GSN: variants seen among roughly 807,000 people sequenced by gnomAD.
The protein encoded by GSN is actin-depolymerizing factor.
In GSN, 56 loss-of-function variants were observed where a neutral mutation model predicts 85.7. That is an observed-to-expected ratio of 0.65 (90% CI 0.53 to 0.82). GSN has a LOEUF of 0.82. GSN is among the 40% of genes least tolerant of loss of function. GSN has a pLI of 0.00. For missense variants in GSN, 857 were observed against 979.8 expected, an observed-to-expected ratio of 0.87 and a Z score of 1.67; for synonymous variants, 373 against 399.1, an observed-to-expected ratio of 0.93 and a Z score of 0.78.
rs145958134 is a variant in GSN at position 121,259,364 on chromosome 9, G to C, written c.-340-5790G>C. Among the ~76,000 whole-genome samples the C allele has an allele frequency of 4.0e-3, 607 of 152,322 alleles. 2 individuals are homozygous for C. The highest frequency in any genetic ancestry group is 0.014 in the African/African-American group (578 of 41,568). On this transcript the variant is annotated intron_variant, in intron 6 of 24. Transcript: ENST00000373823. ...CATGTGCAAGGAACTGTGAAACCACGGAGGGGCTGCTAATGTAATACACCC... is the reference window on the plus strand; with the variant it reads ...CATGTGCAAGGAACTGTGAAACCACCGAGGGGCTGCTAATGTAATACACCC...
chr9:121,279,174 A>G (rs1282490939), intron 1 of GSN, among the ~76,000 whole-genome samples: 4 of 152,176 alleles, frequency 2.6e-5, no homozygotes, highest in Non-Finnish European at 5.9e-5. Flanking sequence ...ACAGAGTGCC[A>G]TTGCATCTGG....
intron 7 of GSN, among the ~76,000 whole-genome samples, chr9:121,316,817 CTA>C (rs1265171416): frequency 1.5e-4 from 23 of 152,328 alleles, no homozygotes; most frequent in African/African-American, 5.5e-4. Context: ...TTTCAGCAAA[CTA>C]TGCAGTTCCC....
intron 1 of GSN, among the ~76,000 whole-genome samples, chr9:121,278,520 C>T (rs1266739607): frequency 6.6e-6 from 1 of 152,182 alleles, no homozygotes; most frequent in Non-Finnish European, 1.5e-5. Context: ...TCCATGGTGG[C>T]TTGCAGACTT....
In GSN at chr9:121,327,489, G is replaced by C; in HGVS notation, c.1762+7G>C. 1 of 1,557,336 alleles carries C rather than the reference G, an allele frequency of 6.4e-7. No individual in the cohort carries two copies. The highest frequency in any genetic ancestry group is 8.7e-7 in the Non-Finnish European group (1 of 1,149,878). On this transcript the variant is annotated splice_region_variant and intron_variant, in intron 14 of 17. Transcript: ENST00000432226. ...GCAGAAGGCAGCGAGCCAGGTAGGA[G>C]CCGGGGTGGGGGGCCTGCTGCTGTC...
upstream of GSN, among the ~76,000 whole-genome samples, chr9:121,264,799 GC>G (rs2055164245): frequency 6.6e-6 from 1 of 152,168 alleles, no homozygotes; most frequent in South Asian, 2.1e-4. Context: ...AGTGGGAGCA[GC>G]CAGGTTTGTG....
intron 4 of GSN, among the ~76,000 whole-genome samples, chr9:121,218,785 T>A (rs757317392): frequency 1.3e-5 from 2 of 152,234 alleles, no homozygotes; most frequent in Non-Finnish European, 2.9e-5. Flanking sequence ...AGGTGGCTTA[T>A]GTGGAATTTC....
intron 14 of GSN, among the ~76,000 whole-genome samples, chr9:121,328,516 G>A (rs568745712): frequency 2.8e-4 from 42 of 152,214 alleles, no homozygotes; most frequent in Non-Finnish European, 4.6e-4. Context: ...GTTAGAATCA[G>A]ACAAGATTTG....
intron 3 of GSN, 55 bp from the exon 4 acceptor site, chr9:121,302,856 A>G: frequency 1.9e-6 from 3 of 1,584,916 alleles, no homozygotes; most frequent in Non-Finnish European, 2.6e-6. Flanking sequence ...CCTCTTCCTC[A>G]GGGGTCTGGG....
At chr9:121,323,481 T>C (rs2133810149) in intron 11 of GSN, among the ~76,000 whole-genome samples, 1 of 151,116 alleles carries the variant, frequency 6.6e-6, no homozygotes, top group African/African-American at 2.4e-5. Context: ...GCAATTCTCC[T>C]GCCTCAGCCT....
intron 4 of GSN, among the ~76,000 whole-genome samples, chr9:121,230,912 G>A (rs761357796): frequency 3.3e-5 from 5 of 152,244 alleles, no homozygotes; most frequent in South Asian, 4.2e-4. Context: ...TCCCACTCTC[G>A]TGAACTTCAT....
chr9:121,233,590 G>A (rs144095254), intron 5 of GSN, among the ~76,000 whole-genome samples: 65 of 152,252 alleles, frequency 4.3e-4, no homozygotes, highest in African/African-American at 1.4e-3. Flanking sequence ...CCTTCAGATG[G>A]TTCCAACCCC....
At chr9:121,277,607 G>A (rs2056834231) in intron 1 of GSN, among the ~76,000 whole-genome samples, 1 of 151,844 alleles carries the variant, frequency 6.6e-6, no homozygotes, top group Non-Finnish European at 1.5e-5. Flanking sequence ...TGACTTATCT[G>A]TCTATTTTAT....
rs759081704 is a variant in GSN, at chr9:121,300,150, G to A, written c.-9-1813G>A. On this transcript the variant is annotated intron_variant, in intron 2 of 17. Transcript: ENST00000432226. Reference sequence around the variant, plus strand: ...TTGTAAGTATCTCTTGCTGCTTCCGGGGCTCTGGCTCGCAGACGAGGGTGG... The same window carrying A: ...TTGTAAGTATCTCTTGCTGCTTCCGAGGCTCTGGCTCGCAGACGAGGGTGG... The A allele has an allele frequency of 3.2e-5, 50 of 1,567,962 alleles. 1 individual carries two copies. In the African/African-American group the frequency reaches 5.8e-4, roughly 18 times the overall value.
intron 5 of GSN, chr9:121,239,715 G>T (rs1348748946): frequency 6.6e-6 from 2 of 303,372 alleles, no homozygotes; most frequent in African/African-American, 2.2e-5. Context: ...TCTGTCAATG[G>T]GTTTTTCCCG....
At chr9:121,278,429 A>G (rs2056927887) in intron 1 of GSN, among the ~76,000 whole-genome samples, 1 of 152,142 alleles carries the variant, frequency 6.6e-6, no homozygotes, top group African/African-American at 2.4e-5. Context: ...CTTTTAGGAG[A>G]GAAAAATACT....
At chr9:121,248,609 C>G (rs2054750668) in intron 6 of GSN, among the ~76,000 whole-genome samples, 1 of 152,060 alleles carries the variant, frequency 6.6e-6, no homozygotes, top group African/African-American at 2.4e-5. Flanking sequence ...ACAGGTGTAT[C>G]CAAAGCTAAA....
intron 2 of GSN, among the ~76,000 whole-genome samples, chr9:121,295,863 A>G (rs532276796): frequency 1.3e-5 from 2 of 152,378 alleles, no homozygotes; most frequent in East Asian, 1.9e-4. Context: ...GGACATGCTC[A>G]TGTACTGAGT....
intron 4 of GSN, among the ~76,000 whole-genome samples, chr9:121,229,563 GTTCC>G (rs1200964616): frequency 1.3e-5 from 2 of 152,176 alleles, no homozygotes; most frequent in Non-Finnish European, 2.9e-5. Context: ...TTTTATAAAT[GTTCC>G]ACAATTTAGG....
intron 4 of GSN, among the ~76,000 whole-genome samples, chr9:121,211,975 C>T (rs189635893): frequency 1.7e-3 from 253 of 152,196 alleles, no homozygotes; most frequent in African/African-American, 5.5e-3. Flanking sequence ...AAGGAGAGGC[C>T]GCTGGGTTAA....
Sources: allele counts gnomAD v4.1 joint callset (sites outside exome capture counted in the v4.1 genomes callset), GRCh38; gene constraint gnomAD v4.1.1; transcripts MANE v1.5; gene names NCBI Gene and HGNC (gene_info 2026-07-23, HGNC 2026-07-21).